SEMA6D: variants seen among roughly 807,000 people sequenced by gnomAD.
SEMA6D encodes semaphorin 6D.
SEMA6D carries 35 observed loss-of-function variants against 106.6 expected under a neutral mutation model. The ratio of observed to expected loss-of-function variants is 0.33; its 90% CI spans 0.25 to 0.44. The LOEUF (loss-of-function observed/expected upper bound fraction) is 0.44. Among genes scored for constraint, SEMA6D ranks in the 20% least tolerant of loss-of-function variants. The pLI is 1.00. For missense variants in SEMA6D, 1,185 were observed against 1,345.9 expected (o/e 0.88, Z 1.87); for synonymous variants, 499 against 487.7 (o/e 1.02, Z -0.31).
At chr15:47,567,107 T>G (rs1029393373) in intron 3 of SEMA6D, among the ~76,000 whole-genome samples, 7 of 152,374 alleles carry the variant, frequency 4.6e-5, no homozygotes, top group Admixed American at 4.6e-4. Flanking sequence ...TAGGCAGGTC[T>G]TAAAGTAGGC....
At chr15:47,658,124 T>A (rs1227156299) in intron 4 of SEMA6D, among the ~76,000 whole-genome samples, 1 of 152,174 alleles carries the variant, frequency 6.6e-6, no homozygotes, top group Non-Finnish European at 1.5e-5. Flanking sequence ...TTTGAGATAT[T>A]TTTATGATGC....
intron 3 of SEMA6D, among the ~76,000 whole-genome samples, chr15:47,512,419 C>T (rs1244543158): frequency 6.6e-6 from 1 of 152,172 alleles, no homozygotes; most frequent in Non-Finnish European, 1.5e-5. Flanking sequence ...ACAGGAGGAT[C>T]CAGGAGGCAA....
chr15:47,194,981 A>G (rs1217220102), intron 1 of SEMA6D, among the ~76,000 whole-genome samples: 1 of 152,224 alleles, frequency 6.6e-6, no homozygotes, highest in Non-Finnish European at 1.5e-5. Flanking sequence ...CACTTACCAG[A>G]ATAGCATTAC....
chr15:47,619,680 T>G (rs913896763), intron 4 of SEMA6D, among the ~76,000 whole-genome samples: 1 of 152,166 alleles, frequency 6.6e-6, no homozygotes, highest in Non-Finnish European at 1.5e-5. Context: ...ATCATGGTGA[T>G]TTGGTTTGCT....
chr15:47,343,568 C>T (rs1032686504), intron 1 of SEMA6D, among the ~76,000 whole-genome samples: 6 of 151,960 alleles, frequency 3.9e-5, no homozygotes, highest in African/African-American at 1.5e-4. Context: ...CATCCATGTC[C>T]CTACAAAGGA....
At chr15:47,758,346 C>T (rs2081879375) in intron 1 of SEMA6D, among the ~76,000 whole-genome samples, 1 of 152,104 alleles carries the variant, frequency 6.6e-6, no homozygotes, top group South Asian at 2.1e-4. Flanking sequence ...TGCAGTGACT[C>T]TCATGATCTC....
At chr15:47,571,337 G>A (rs1055086161) in intron 3 of SEMA6D, among the ~76,000 whole-genome samples, 1 of 152,238 alleles carries the variant, frequency 6.6e-6, no homozygotes, top group Non-Finnish European at 1.5e-5. Context: ...ATTTTCAGAG[G>A]CTAATGCTCC....
intron 1 of SEMA6D, among the ~76,000 whole-genome samples, chr15:47,367,748 A>G (rs2145304829): frequency 1.3e-5 from 2 of 151,992 alleles, no homozygotes; most frequent in Admixed American, 1.3e-4. Context: ...AAAGAGAGAG[A>G]GAGTTTAATA....
intron 1 of SEMA6D, among the ~76,000 whole-genome samples, chr15:47,289,660 GA>G (rs1399269437): frequency 6.6e-6 from 1 of 151,984 alleles, no homozygotes; most frequent in African/African-American, 2.4e-5. Context: ...CAATCCTGCA[GA>G]AACTTCCCTA....
intron 4 of SEMA6D, among the ~76,000 whole-genome samples, chr15:47,667,905 T>C (rs2078059886): frequency 1.3e-5 from 2 of 152,232 alleles, no homozygotes; most frequent in Admixed American, 1.3e-4. Flanking sequence ...CCCAGAGTCC[T>C]AGAGCTGCAC....
At chr15:47,581,933 A>G (rs540303208) in intron 3 of SEMA6D, among the ~76,000 whole-genome samples, 18 of 152,260 alleles carry the variant, frequency 1.2e-4, no homozygotes, top group African/African-American at 4.1e-4. Context: ...AGCCATTCCT[A>G]GATGAATCCT....
intron 4 of SEMA6D, among the ~76,000 whole-genome samples, chr15:47,693,515 A>G (rs371663204): frequency 7.9e-5 from 12 of 152,154 alleles, no homozygotes; most frequent in Non-Finnish European, 1.6e-4. Context: ...TTCCCCTATC[A>G]TACTATCACT....
At chr15:47,551,469 A>G (rs1016106915) in intron 3 of SEMA6D, among the ~76,000 whole-genome samples, 2 of 152,226 alleles carry the variant, frequency 1.3e-5, no homozygotes, top group Admixed American at 1.3e-4. Flanking sequence ...ATAAAAGAGA[A>G]TACAACCTCT....
At chr15:47,689,279 A>G (rs1432774241) in intron 4 of SEMA6D, among the ~76,000 whole-genome samples, 1 of 152,216 alleles carries the variant, frequency 6.6e-6, no homozygotes, top group Non-Finnish European at 1.5e-5. Context: ...GAATATCTCT[A>G]GGTTTGATAA....
chr15:47,472,773 A>G (rs916652210), intron 3 of SEMA6D, among the ~76,000 whole-genome samples: 33 of 152,234 alleles, frequency 2.2e-4, no homozygotes, highest in African/African-American at 7.7e-4. Flanking sequence ...GAATCCTGAA[A>G]TTGTTCAATG....
intron 1 of SEMA6D, among the ~76,000 whole-genome samples, chr15:47,750,536 T>A (rs2081371186): frequency 6.6e-6 from 1 of 152,184 alleles, no homozygotes; most frequent in Non-Finnish European, 1.5e-5. Context: ...CCTCATGGTG[T>A]GAGTCTCCAC....
intron 1 of SEMA6D, among the ~76,000 whole-genome samples, chr15:47,288,949 T>G (rs2035485494): frequency 6.6e-6 from 1 of 152,160 alleles, no homozygotes. Context: ...CTTTTCCTGT[T>G]TGGGCAACCA....
upstream of SEMA6D, among the ~76,000 whole-genome samples, chr15:47,714,972 A>C: frequency 6.6e-6 from 1 of 152,192 alleles, no homozygotes; most frequent in East Asian, 1.9e-4. Context: ...AAGACATGCT[A>C]AATCGGTAAT....
At chr15:47,618,373 A>C (rs1437497752) in intron 4 of SEMA6D, among the ~76,000 whole-genome samples, 9 of 152,216 alleles carry the variant, frequency 5.9e-5, no homozygotes, top group Non-Finnish European at 1.3e-4. Context: ...TGGAAAGCAA[A>C]GGAGGCTGGA....
Sources: allele counts gnomAD v4.1 joint callset (sites outside exome capture counted in the v4.1 genomes callset), GRCh38; gene constraint gnomAD v4.1.1; transcripts MANE v1.5; gene names NCBI Gene and HGNC (gene_info 2026-07-23, HGNC 2026-07-21).